Variants in DEPTOR observed in about 807,000 individuals in gnomAD.
The protein encoded by DEPTOR is DEP domain-containing mTOR-interacting protein.
A neutral mutation model predicts 41.6 loss-of-function variants in DEPTOR; 41 were observed. The observed-to-expected ratio is 0.98, with a 90% CI of 0.77 to 1.28. DEPTOR has a LOEUF of 1.28. Among genes scored for constraint, DEPTOR ranks in the 50% most tolerant of loss-of-function variants. The pLI, the probability that DEPTOR is intolerant of heterozygous loss-of-function variation, is 0.00. For missense variants in DEPTOR, 514 were observed against 527.9 expected (o/e 0.97, Z 0.26); for synonymous variants, 195 against 192.3 (o/e 1.01, Z -0.12).
At chr8:119,933,319 A>G (rs185825965) in intron 3 of DEPTOR, among the ~76,000 whole-genome samples, 3 of 152,026 alleles carry the variant, frequency 2.0e-5, no homozygotes, top group East Asian at 3.9e-4. Flanking sequence ...GCGAAACCCT[A>G]TCTCTACTAA....
intron 1 of DEPTOR, among the ~76,000 whole-genome samples, chr8:119,881,523 CA>C (rs1320094841): frequency 2.1e-4 from 30 of 141,456 alleles, no homozygotes; most frequent in Admixed American, 2.0e-3. Context: ...GACTCTGTCT[CA>C]AAAAAAATAA....
At chr8:119,895,347 A>G (rs1408877389) in intron 1 of DEPTOR, among the ~76,000 whole-genome samples, 2 of 152,222 alleles carry the variant, frequency 1.3e-5, no homozygotes, top group African/African-American at 2.4e-5. Context: ...GGTGAATACC[A>G]CAACATTTTA....
rs1007379058 is a variant in DEPTOR, at chr8:119,957,663, A to G, written c.426-7569A>G. Among the ~76,000 whole-genome samples the G allele has an allele frequency of 2.7e-5, 4 of 147,608 alleles. No individual in the cohort carries two copies. The Admixed American group carries it at 2.8e-4, about 10-fold the overall frequency. ...GAGTGCAATGGTGCAATCTTGGCTC[A>G]CTGCAACCTCCGCCTCCTGGGTTCA... On this transcript the variant is annotated intron_variant, in intron 3 of 8. Coordinates refer to ENST00000286234, the MANE Select transcript of DEPTOR (RefSeq NM_022783.4).
chr8:119,996,883 C>G (rs1202142872), intron 4 of DEPTOR, among the ~76,000 whole-genome samples: 2 of 152,036 alleles, frequency 1.3e-5, no homozygotes, highest in Non-Finnish European at 2.9e-5. Flanking sequence ...TTTTAAAAAT[C>G]TCAATAAACT....
chr8:119,926,910 C>T (rs1028507552), intron 1 of DEPTOR, among the ~76,000 whole-genome samples: 11 of 152,188 alleles, frequency 7.2e-5, no homozygotes, highest in Admixed American at 3.9e-4. Context: ...TAATAAAGCA[C>T]ATAAGATAGC....
intron 1 of DEPTOR, among the ~76,000 whole-genome samples, chr8:119,876,355 G>A (rs577480904): frequency 4.2e-4 from 64 of 152,256 alleles, no homozygotes; most frequent in Non-Finnish European, 2.6e-4. Flanking sequence ...TACTAGTGTG[G>A]GACCTTGGAC....
chr8:120,049,809 A>C lies in DEPTOR; in HGVS notation c.*105A>C, dbSNP rs1478460690. The C allele has an allele frequency of 6.9e-7, 1 of 1,457,748 alleles. No homozygotes were observed. Among genetic ancestry groups the C allele is most frequent in the African/African-American group, 1.4e-5 (1 of 71,770 alleles). 90.3% of individuals were successfully genotyped at this position (1,457,748 alleles called of 1,614,324 possible). ...GCCATGCAAATGGATGGTTTTGGAC[A>C]TACGAGTCTTCTCCGCACATACATG... On this transcript the variant is annotated 3_prime_UTR_variant, in exon 9 of 9. Transcript: ENST00000286234.
At chr8:119,944,582 G>A (rs553863721) in intron 3 of DEPTOR, among the ~76,000 whole-genome samples, 97 of 149,854 alleles carry the variant, frequency 6.5e-4, no homozygotes, top group East Asian at 3.9e-3. Context: ...TTTGGTATAC[G>A]TACATAGCAT....
intron 8 of DEPTOR, among the ~76,000 whole-genome samples, chr8:120,039,953 C>T (rs1813035898): frequency 6.6e-6 from 1 of 152,122 alleles, no homozygotes; most frequent in Non-Finnish European, 1.5e-5. Context: ...AAGCAATTCT[C>T]GTGCCTCAGC....
intron 3 of DEPTOR, among the ~76,000 whole-genome samples, chr8:119,962,609 A>G (rs956717335): frequency 4.6e-5 from 7 of 152,200 alleles, no homozygotes; most frequent in Non-Finnish European, 8.8e-5. Flanking sequence ...CCTAAAAGCA[A>G]TGAGAAGCTA....
At chr8:119,946,220 C>T (rs948868895) in intron 3 of DEPTOR, among the ~76,000 whole-genome samples, 3 of 151,996 alleles carry the variant, frequency 2.0e-5, no homozygotes, top group African/African-American at 4.8e-5. Flanking sequence ...TAATTTCAGA[C>T]CCCCTAACAA....
intron 8 of DEPTOR, among the ~76,000 whole-genome samples, chr8:120,038,335 C>T (rs900011950): frequency 6.6e-6 from 1 of 150,508 alleles, no homozygotes; most frequent in Non-Finnish European, 1.5e-5. Context: ...CACAAAGGCT[C>T]AGGCCTGTAA....
At chr8:119,964,400 A>G (rs979115217) in intron 3 of DEPTOR, among the ~76,000 whole-genome samples, 3 of 151,940 alleles carry the variant, frequency 2.0e-5, no homozygotes. Context: ...CTGTAATCCC[A>G]GCTACTCTGG....
At chr8:120,024,065 A>G (rs536204663) in intron 8 of DEPTOR, among the ~76,000 whole-genome samples, 25 of 152,074 alleles carry the variant, frequency 1.6e-4, no homozygotes, top group South Asian at 6.2e-4. Context: ...GCAAAACCCT[A>G]TCTGTACTAA....
chr8:119,986,438 TTCTC>T (rs1828831660), intron 4 of DEPTOR, among the ~76,000 whole-genome samples: 1 of 152,126 alleles, frequency 6.6e-6, no homozygotes, highest in African/African-American at 2.4e-5. Context: ...AACCCGACCT[TTCTC>T]TCTGGCTGCC....
chr8:119,879,942 G>A (rs1013103889), intron 1 of DEPTOR, among the ~76,000 whole-genome samples: 8 of 152,068 alleles, frequency 5.3e-5, no homozygotes, highest in South Asian at 2.1e-4. Context: ...AGGCATTCAA[G>A]ACCAGCCTGG....
intron 1 of DEPTOR, among the ~76,000 whole-genome samples, chr8:119,896,475 T>C (rs1827521358): frequency 6.8e-6 from 1 of 146,756 alleles, no homozygotes; most frequent in African/African-American, 2.5e-5. Context: ...CTTTGAACTT[T>C]GACTTTTCTT....
chr8:119,953,234 G>A (rs1828375624), intron 3 of DEPTOR, among the ~76,000 whole-genome samples: 1 of 152,120 alleles, frequency 6.6e-6, no homozygotes, highest in Non-Finnish European at 1.5e-5. Flanking sequence ...AAAGATACAG[G>A]GGAAATTGTC....
At chr8:120,040,347 C>A (rs935084644) in intron 8 of DEPTOR, among the ~76,000 whole-genome samples, 14 of 151,892 alleles carry the variant, frequency 9.2e-5, no homozygotes, top group East Asian at 2.0e-4. Context: ...GAGGCCGAGG[C>A]GGGCAGATCT....
Sources: gnomAD v4.1 joint callset for allele counts (sites outside exome capture counted in the v4.1 genomes callset) on GRCh38, gnomAD v4.1.1 for gene constraint, MANE v1.5 for transcripts, NCBI Gene and HGNC (gene_info 2026-07-23, HGNC 2026-07-21) for gene names.